Variants in LIFR observed in about 807,000 individuals in gnomAD.
The protein encoded by LIFR is LIF receptor subunit alpha.
In LIFR, 84 loss-of-function variants were observed where a neutral mutation model predicts 122.2. That is an observed-to-expected ratio of 0.69 (90% CI 0.58 to 0.82). The LOEUF is 0.82. LIFR is among the 40% of genes least tolerant of loss of function. LIFR has a pLI of 0.00. For missense variants in LIFR, 1,294 were observed against 1,311.6 expected (o/e 0.99, Z 0.21); for synonymous variants, 422 against 434.7 (o/e 0.97, Z 0.36).
At chr5:38,485,287 T>G (rs1744222989) in intron 17 of LIFR, among the ~76,000 whole-genome samples, 1 of 152,222 alleles carries the variant, frequency 6.6e-6, no homozygotes. Flanking sequence ...TGAGAATCAC[T>G]GCTTTATAGA....
intron 14 of LIFR, among the ~76,000 whole-genome samples, chr5:38,491,093 A>G (rs1744565798): frequency 6.6e-6 from 1 of 152,204 alleles, no homozygotes; most frequent in African/African-American, 2.4e-5. Context: ...TAAAGGAATT[A>G]GGTCTTAGAG....
Position 38,545,797 on chromosome 5 carries a change from C to G in LIFR, c.-20+10537G>C, listed in dbSNP as rs1373348290. On this transcript the variant is annotated intron_variant, in intron 1 of 19. Coordinates refer to ENST00000453190, the MANE Select transcript of LIFR (RefSeq NM_001127671.2). ...GAATGGCGTGAACCCGGGAGGTGGA[C>G]CTTGCAGTGAGCCGAGATCACGCCA... Among the ~76,000 whole-genome samples, 7 of 148,994 alleles carry G rather than the reference C, an allele frequency of 4.7e-5. No individual in the cohort carries two copies. In the South Asian group the frequency reaches 8.6e-4, roughly 18 times the overall value.
At position 38,543,755 on chromosome 5, in the gene LIFR, T is replaced by C. The variant is rs191805422; in HGVS notation, c.-20+12579A>G. The stretch of plus-strand genomic sequence containing the variant: ...TTCTCTCTTTCTGTACTCTTAATAA[T>C]TTCTCAATCATGTTAATTAAAATCT... On this transcript the variant is annotated intron_variant, in intron 1 of 19. Coordinates refer to ENST00000453190, the MANE Select transcript of LIFR (RefSeq NM_001127671.2). Among the ~76,000 whole-genome samples the C allele has an allele frequency of 4.2e-3, 642 of 152,312 alleles. 4 individuals are homozygous for C. Among genetic ancestry groups the C allele is most frequent in the Admixed American group, 6.3e-3 (97 of 15,308 alleles).
chr5:38,533,826 G>A (rs577788616), intron 1 of LIFR, among the ~76,000 whole-genome samples: 1 of 152,256 alleles, frequency 6.6e-6, no homozygotes, highest in African/African-American at 2.4e-5. Context: ...GTGTGCAGAA[G>A]GAGGCCTCAG....
intron 1 of LIFR, among the ~76,000 whole-genome samples, chr5:38,564,753 C>T (rs1267048342): frequency 6.7e-6 from 1 of 149,902 alleles, no homozygotes; most frequent in African/African-American, 2.4e-5. Flanking sequence ...CACACACACA[C>T]ACACACACAC....
chr5:38,506,414 T>C (rs1745485162), intron 8 of LIFR, 89 bp downstream of exon 8: 1 of 1,466,688 alleles, frequency 6.8e-7, no homozygotes, highest in Non-Finnish European at 9.5e-7. Context: ...GTTTGTAACA[T>C]AAATGATCTA....
At chr5:38,495,853 C>A (rs1580029943) in intron 13 of LIFR, among the ~76,000 whole-genome samples, 1 of 152,132 alleles carries the variant, frequency 6.6e-6, no homozygotes, top group African/African-American at 2.4e-5. Flanking sequence ...AACTACACCA[C>A]AGTTGTTTTT....
intron 1 of LIFR, among the ~76,000 whole-genome samples, chr5:38,571,377 C>T (rs1438591966): frequency 6.6e-6 from 1 of 151,938 alleles, no homozygotes; most frequent in African/African-American, 2.4e-5. Flanking sequence ...TATGGTGAAA[C>T]CCTGTCTCTA....
intron 1 of LIFR, among the ~76,000 whole-genome samples, chr5:38,566,321 A>G (rs1240887696): frequency 1.3e-5 from 2 of 152,146 alleles, no homozygotes; most frequent in Non-Finnish European, 2.9e-5. Context: ...CAAAGTTAAA[A>G]TAAAGTTTGC....
intron 16 of LIFR, among the ~76,000 whole-genome samples, chr5:38,487,163 C>T (rs1229252772): frequency 2.0e-5 from 3 of 152,176 alleles, no homozygotes; most frequent in Non-Finnish European, 4.4e-5. Context: ...GAGCTCCCTG[C>T]TCTCTCTCCC....
At position 38,511,840 on chromosome 5, in the gene LIFR, A is replaced by T. The variant is rs765293494; in HGVS notation, c.686T>A (p.Phe229Tyr). The T allele has an allele frequency of 6.2e-7, 1 of 1,614,158 alleles. No homozygotes were observed. The highest frequency in any genetic ancestry group is 1.1e-5 in the South Asian group (1 of 91,078). Reference protein sequence around the residue: ...EIRCYIDNLHFSGLEEWSDWS... With the variant: ...EIRCYIDNLHYSGLEEWSDWS... ...GTCACTCCACTCTTCGAGACCAGAA[A>T]AATGAAGATTGTCAATGTAGCATCT... Residue 229 changes from phenylalanine (F) to tyrosine (Y), a missense_variant, in exon 6 of 20, where the codon TTT (phenylalanine) becomes TAT (tyrosine). Coordinates refer to ENST00000453190, the MANE Select transcript of LIFR (RefSeq NM_001127671.2).
At chr5:38,517,046 G>C (rs761674116) in intron 5 of LIFR, among the ~76,000 whole-genome samples, 3 of 151,974 alleles carry the variant, frequency 2.0e-5, no homozygotes, top group Non-Finnish European at 4.4e-5. Context: ...ATCACACATC[G>C]GGGCCTGTCA....
chr5:38,604,386 A>G (rs754876683), intron 2 of LIFR, among the ~76,000 whole-genome samples: 1 of 152,190 alleles, frequency 6.6e-6, no homozygotes, highest in Non-Finnish European at 1.5e-5. Flanking sequence ...AGGGTGTCTG[A>G]GACAAGTCTC....
chr5:38,551,795 A>G (rs1748217539), intron 1 of LIFR, among the ~76,000 whole-genome samples: 1 of 152,244 alleles, frequency 6.6e-6, no homozygotes, highest in African/African-American at 2.4e-5. Flanking sequence ...AACTTCCAAC[A>G]TGAAAGCATA....
At chr5:38,485,459 T>A (rs1300882861) in intron 17 of LIFR, 11 of 313,318 alleles carry the variant, frequency 3.5e-5, no homozygotes, top group South Asian at 2.5e-4. Context: ...AAAATTTTTT[T>A]AAGAATATCT....
chr5:38,483,084 C>A (rs140539982), intron 18 of LIFR, among the ~76,000 whole-genome samples: 2 of 152,122 alleles, frequency 1.3e-5, no homozygotes, highest in Admixed American at 6.5e-5. Flanking sequence ...AAGAAAAAGG[C>A]TATTAATCTT....
At chr5:38,574,189 T>C (rs1749309158) in intron 1 of LIFR, among the ~76,000 whole-genome samples, 1 of 152,000 alleles carries the variant, frequency 6.6e-6, no homozygotes, top group Non-Finnish European at 1.5e-5. Flanking sequence ...TGCCACTGCA[T>C]CTGGTCTTCA....
At chr5:38,507,323 G>T (rs925498213) in intron 7 of LIFR, among the ~76,000 whole-genome samples, 1 of 151,676 alleles carries the variant, frequency 6.6e-6, no homozygotes, top group Non-Finnish European at 1.5e-5. Flanking sequence ...CAGCACTCTG[G>T]GAGGCCAAGG....
upstream of LIFR, among the ~76,000 whole-genome samples, chr5:38,595,603 G>T (rs1267330609): frequency 6.6e-6 from 1 of 152,144 alleles, no homozygotes; most frequent in East Asian, 1.9e-4. Context: ...TTGCCTCCAG[G>T]CCAGCAGCAT....
Sources: allele counts gnomAD v4.1 joint callset (sites outside exome capture counted in the v4.1 genomes callset), GRCh38; gene constraint gnomAD v4.1.1; transcripts MANE v1.5; gene names NCBI Gene and HGNC (gene_info 2026-07-23, HGNC 2026-07-21).